DPP10: variants seen among roughly 807,000 people sequenced by gnomAD.
DPP10 encodes the protein dipeptidyl peptidase like 10, also known as inactive dipeptidyl peptidase 10.
In DPP10, 33 loss-of-function variants were observed where a neutral mutation model predicts 120.9. The observed-to-expected ratio is 0.27, with a 90% CI of 0.21 to 0.37. The LOEUF is 0.37. Ranked by LOEUF, DPP10 falls within the 10% of genes least tolerant of loss-of-function variation. The pLI, the probability that DPP10 is intolerant of heterozygous loss-of-function variation, is 1.00. For missense variants in DPP10, 816 were observed against 942.8 expected, an observed-to-expected ratio of 0.87 and a Z score of 1.76; for synonymous variants, 337 against 326.1, an observed-to-expected ratio of 1.03 and a Z score of -0.36.
chr2:115,102,689 G>C (rs1446570275), intron 1 of DPP10, among the ~76,000 whole-genome samples: 1 of 151,844 alleles, frequency 6.6e-6, no homozygotes, highest in Non-Finnish European at 1.5e-5. Flanking sequence ...GATTAGAGGC[G>C]TGAGCCACCA....
chr2:114,755,823 T>C (rs1679678597), intron 1 of DPP10, among the ~76,000 whole-genome samples: 1 of 152,152 alleles, frequency 6.6e-6, no homozygotes, highest in African/African-American at 2.4e-5. Context: ...ATGATAATTA[T>C]TTTTTTCCTC....
At chr2:114,632,412 G>A (rs1022735654) in intron 1 of DPP10, among the ~76,000 whole-genome samples, 2 of 144,922 alleles carry the variant, frequency 1.4e-5, no homozygotes, top group Non-Finnish European at 3.0e-5. Context: ...ATATATATTT[G>A]TATTTATCAG....
chr2:115,041,215 T>C (rs1202997745), intron 1 of DPP10, among the ~76,000 whole-genome samples: 1 of 152,088 alleles, frequency 6.6e-6, no homozygotes, highest in African/African-American at 2.4e-5. Flanking sequence ...CTTTTCTTTA[T>C]AAATTACCCA....
chr2:114,942,964 T>C (rs1263429318), intron 1 of DPP10, among the ~76,000 whole-genome samples: 1 of 152,132 alleles, frequency 6.6e-6, no homozygotes, highest in Non-Finnish European at 1.5e-5. Context: ...GTTTCTTACA[T>C]AGGTATACGT....
intron 1 of DPP10, among the ~76,000 whole-genome samples, chr2:114,865,515 T>A (rs2106544572): frequency 6.6e-6 from 1 of 152,326 alleles, no homozygotes; most frequent in South Asian, 2.1e-4. Flanking sequence ...GGAAAGGCAT[T>A]CTTAATCTCT....
chr2:115,283,921 G>C (rs2060261496), intron 1 of DPP10, among the ~76,000 whole-genome samples: 1 of 152,024 alleles, frequency 6.6e-6, no homozygotes, highest in Non-Finnish European at 1.5e-5. Context: ...AGGCTAGACT[G>C]TATGGCTCAG....
chr2:115,515,792 CT>C (rs1181050568), intron 4 of DPP10, among the ~76,000 whole-genome samples: 4 of 151,958 alleles, frequency 2.6e-5, no homozygotes, highest in Non-Finnish European at 5.9e-5. Context: ...TTATAAACAC[CT>C]GTTTAATAAA....
intron 1 of DPP10, among the ~76,000 whole-genome samples, chr2:115,187,858 C>G (rs2054571531): frequency 6.6e-6 from 1 of 151,844 alleles, no homozygotes; most frequent in East Asian, 1.9e-4. Context: ...AAAAAACAAA[C>G]AAACAAAAAA....
chr2:115,042,008 C>CTTTTT (rs5833573), intron 1 of DPP10, among the ~76,000 whole-genome samples: 182 of 80,176 alleles, frequency 2.3e-3, no homozygotes, highest in East Asian at 3.8e-3. Context: ...TCTATCTTAT[C>CTTTTT]TTTTTTTTTT....
At chr2:115,235,863 T>C (rs1301259260) in intron 1 of DPP10, among the ~76,000 whole-genome samples, 2 of 152,160 alleles carry the variant, frequency 1.3e-5, no homozygotes, top group Non-Finnish European at 2.9e-5. Flanking sequence ...GCAGCCAAGC[T>C]GACGTTTCTT....
chr2:115,503,877 A>T (rs2076810986), intron 4 of DPP10, among the ~76,000 whole-genome samples: 1 of 152,094 alleles, frequency 6.6e-6, no homozygotes. Context: ...AGAGGTCAGA[A>T]ATGTGCATCC....
intron 1 of DPP10, among the ~76,000 whole-genome samples, chr2:115,261,165 C>T (rs1434279010): frequency 1.3e-5 from 2 of 152,190 alleles, no homozygotes; most frequent in African/African-American, 4.8e-5. Flanking sequence ...AAACGCAGAG[C>T]ATGTCTTGCT....
At chr2:114,807,723 A>G (rs1207561816) in intron 1 of DPP10, among the ~76,000 whole-genome samples, 1 of 152,176 alleles carries the variant, frequency 6.6e-6, no homozygotes, top group South Asian at 2.1e-4. Flanking sequence ...CTCTGTTGCT[A>G]TGTAACAAAC....
At chr2:114,837,503 G>A (rs1414848581) in intron 1 of DPP10, among the ~76,000 whole-genome samples, 2 of 151,992 alleles carry the variant, frequency 1.3e-5, no homozygotes, top group African/African-American at 2.4e-5. Flanking sequence ...CCATGAATAC[G>A]TTTTAATTAT....
rs142663850 is a variant in DPP10 at position 114,561,395 on chromosome 2, C to T, written c.60+118557C>T. 2.0e-5 allele frequency among the ~76,000 whole-genome samples: 3 copies of T among 152,262 alleles called. No individual in the cohort carries two copies. In the East Asian group the frequency reaches 5.8e-4, roughly 29 times the overall value. On this transcript the variant is annotated intron_variant, in intron 1 of 25. Coordinates refer to ENST00000410059, the MANE Select transcript of DPP10 (RefSeq NM_020868.6). ...AGAGCACACATGCACACACCACATA[C>T]ACATACCACATACATCTGCACACAT... is the stretch of plus-strand genomic sequence containing the variant.
chr2:115,064,947 TAG>T, intron 1 of DPP10: 1 of 649,208 alleles, frequency 1.5e-6, no homozygotes, highest in South Asian at 2.1e-5. Context: ...ATAGGCCTAA[TAG>T]TTGCCCACAT....
intron 1 of DPP10, among the ~76,000 whole-genome samples, chr2:115,000,805 A>G (rs889061933): frequency 3.3e-5 from 5 of 152,208 alleles, no homozygotes; most frequent in African/African-American, 1.2e-4. Context: ...CACTAAAAAA[A>G]TCTCTAAAAT....
intron 1 of DPP10, among the ~76,000 whole-genome samples, chr2:114,727,817 C>T (rs72955695): frequency 0.013 from 1,937 of 152,218 alleles, 51 homozygotes; most frequent in African/African-American, 0.045. Flanking sequence ...GAGGTGATAA[C>T]GCTAATAATG....
At position 115,782,348 on chromosome 2, in the gene DPP10, C is replaced by G; in HGVS notation, c.1484-4C>G. On this transcript the variant is annotated splice_polypyrimidine_tract_variant and splice_region_variant and intron_variant, in intron 16 of 25. Transcript: ENST00000410059. ...ATATTTATACACATATTTTTAAATT[C>G]CAGGTCCAAGGGTCCCAGTGGTCAG... 4 of 1,609,804 alleles carry G rather than the reference C, an allele frequency of 2.5e-6. No individual in the cohort carries two copies. Among genetic ancestry groups the G allele is most frequent in the Non-Finnish European group, 3.4e-6 (4 of 1,176,680 alleles).
Sources: allele counts gnomAD v4.1 joint callset (sites outside exome capture counted in the v4.1 genomes callset), GRCh38; gene constraint gnomAD v4.1.1; transcripts MANE v1.5; gene names NCBI Gene and HGNC (gene_info 2026-07-23, HGNC 2026-07-21).